The following LRRC4C variants were observed in gnomAD, a reference collection of about 807,000 sequenced individuals.
LRRC4C encodes leucine rich repeat containing 4C, also known as leucine-rich repeat-containing protein 4C.
LRRC4C carries 5 observed loss-of-function variants against 33.6 expected under a neutral mutation model. That is an observed-to-expected ratio of 0.15 (90% confidence interval 0.08 to 0.31). The LOEUF is 0.31. Among genes scored for constraint, LRRC4C ranks in the 10% least tolerant of loss-of-function variants. LRRC4C has a pLI of 1.00. For synonymous variants in LRRC4C, 329 were observed against 302.0 expected (o/e 1.09, Z -0.93); for missense variants, 560 against 796.7 (o/e 0.70, Z 3.58).
At chr11:40,581,931 AAAG>A (rs1490267323) in intron 3 of LRRC4C, among the ~76,000 whole-genome samples, 4 of 152,120 alleles carry the variant, frequency 2.6e-5, no homozygotes, top group African/African-American at 9.7e-5. Context: ...AAAATAAATA[AAAG>A]AATAAAACTA....
intron 1 of LRRC4C, among the ~76,000 whole-genome samples, chr11:41,368,175 G>T (rs1259628034): frequency 2.6e-5 from 4 of 152,046 alleles, no homozygotes; most frequent in Non-Finnish European, 4.4e-5. Context: ...CGTTTCCTTT[G>T]TTTCAGACAA....
rs369808153 is a variant in LRRC4C at position 41,062,592 on chromosome 11, G to A, written c.-495-128869C>T. On this transcript the variant is annotated intron_variant, in intron 1 of 6. Coordinates refer to ENST00000528697, the MANE Select transcript of LRRC4C (RefSeq NM_001258419.2). ...TAGCATGGGGATGCAAGAATGAGCAGAAATGCACGGTCCCTATTCTCAATG... is the reference window on the plus strand; with the variant it reads ...TAGCATGGGGATGCAAGAATGAGCAAAAATGCACGGTCCCTATTCTCAATG... Among the ~76,000 whole-genome samples the A allele has an allele frequency of 4.6e-5, 7 of 152,266 alleles. No homozygotes were observed. In the East Asian group the frequency reaches 1.4e-3, roughly 29 times the overall value.
intron 3 of LRRC4C, among the ~76,000 whole-genome samples, chr11:40,409,995 T>G (rs929422246): frequency 1.3e-5 from 2 of 152,042 alleles, no homozygotes; most frequent in Non-Finnish European, 2.9e-5. Flanking sequence ...AATAAATAAA[T>G]CAATTAGAAA....
At chr11:40,780,109 A>AATATT (rs1950159140) in intron 2 of LRRC4C, among the ~76,000 whole-genome samples, 1 of 152,176 alleles carries the variant, frequency 6.6e-6, no homozygotes, top group Non-Finnish European at 1.5e-5. Context: ...CTGACACTGA[A>AATATT]AAATACTAAA....
At chr11:40,835,902 A>G (rs1216472634) in intron 2 of LRRC4C, among the ~76,000 whole-genome samples, 1 of 152,150 alleles carries the variant, frequency 6.6e-6, no homozygotes, top group Admixed American at 6.6e-5. Context: ...ATTACATTGT[A>G]TCTTGTTAGT....
chr11:40,864,902 G>T (rs1293876203), intron 2 of LRRC4C, among the ~76,000 whole-genome samples: 1 of 152,140 alleles, frequency 6.6e-6, no homozygotes, highest in South Asian at 2.1e-4. Context: ...GTGGACAGGT[G>T]ATATAAAACT....
At chr11:40,535,825 C>CT (rs1163043249) in intron 3 of LRRC4C, among the ~76,000 whole-genome samples, 6 of 152,104 alleles carry the variant, frequency 3.9e-5, no homozygotes, top group Non-Finnish European at 8.8e-5. Flanking sequence ...TGCTTGAAAA[C>CT]TTTTGTACAT....
chr11:40,513,020 C>G (rs889032058), intron 3 of LRRC4C, among the ~76,000 whole-genome samples: 1 of 151,936 alleles, frequency 6.6e-6, no homozygotes, highest in Admixed American at 6.6e-5. Context: ...GAGGCCGAGG[C>G]GGGCAGATCA....
intron 1 of LRRC4C, among the ~76,000 whole-genome samples, chr11:40,945,089 G>A (rs562412912): frequency 5.6e-4 from 83 of 147,978 alleles, no homozygotes; most frequent in Non-Finnish European, 1.1e-3. Context: ...GCGCAGTGGC[G>A]CGATCTCGGC....
intron 4 of LRRC4C, among the ~76,000 whole-genome samples, chr11:40,319,142 A>C (rs1416815722): frequency 6.6e-6 from 1 of 152,204 alleles, no homozygotes; most frequent in Non-Finnish European, 1.5e-5. Flanking sequence ...CATATGAAGG[A>C]AACTCCATTA....
chr11:40,226,174 T>C (rs1864779562), intron 5 of LRRC4C, among the ~76,000 whole-genome samples: 1 of 152,120 alleles, frequency 6.6e-6, no homozygotes, highest in Non-Finnish European at 1.5e-5. Context: ...CCAAAGTGGG[T>C]GTTTAATCTC....
chr11:40,131,580 T>C (rs1037440229), intron 6 of LRRC4C, among the ~76,000 whole-genome samples: 1 of 152,182 alleles, frequency 6.6e-6, no homozygotes, highest in Admixed American at 6.5e-5. Flanking sequence ...TAATAGTACA[T>C]AGAGACTTAA....
chr11:41,086,833 T>C (rs1019157484), intron 1 of LRRC4C, among the ~76,000 whole-genome samples: 80 of 152,122 alleles, frequency 5.3e-4, no homozygotes, highest in African/African-American at 1.9e-3. Context: ...CTGCTGTCGA[T>C]GTATGGAATA....
chr11:40,466,801 A>G (rs1952674333), intron 3 of LRRC4C, among the ~76,000 whole-genome samples: 1 of 152,056 alleles, frequency 6.6e-6, no homozygotes, highest in African/African-American at 2.4e-5. Context: ...AAGAAAATCT[A>G]AGTAATTTTT....
intron 3 of LRRC4C, among the ~76,000 whole-genome samples, chr11:40,538,417 A>G (rs1956565878): frequency 6.6e-6 from 1 of 152,132 alleles, no homozygotes; most frequent in Non-Finnish European, 1.5e-5. Context: ...TTTGCTGAGA[A>G]TGATGGTTTC....
At position 41,296,946 on chromosome 11, in the gene LRRC4C, A is replaced by G. The variant is rs563078515; in HGVS notation, c.-496+162485T>C. On this transcript the variant is annotated intron_variant, in intron 1 of 6. Coordinates refer to ENST00000528697, the MANE Select transcript of LRRC4C (RefSeq NM_001258419.2). ...GCATACAAGCAGTGAGAAAGTCCACACTTTTCTTTTACCGGATCTTAATGG... is the reference window on the plus strand; with the variant it reads ...GCATACAAGCAGTGAGAAAGTCCACGCTTTTCTTTTACCGGATCTTAATGG... Among the ~76,000 whole-genome samples, 8 of 152,288 alleles carry G rather than the reference A, an allele frequency of 5.3e-5. No homozygotes were observed. The East Asian group carries it at 9.6e-4, about 18-fold the overall frequency.
chr11:41,059,679 C>T (rs555290105), intron 1 of LRRC4C, among the ~76,000 whole-genome samples: 4 of 152,022 alleles, frequency 2.6e-5, no homozygotes, highest in South Asian at 2.1e-4. Flanking sequence ...GTCCTATCTC[C>T]GAAAAATTTG....
chr11:41,028,604 C>CAG (rs903062399), intron 1 of LRRC4C, among the ~76,000 whole-genome samples: 2 of 134,848 alleles, frequency 1.5e-5, no homozygotes, highest in African/African-American at 5.4e-5. Flanking sequence ...CACACACACA[C>CAG]ACTGAAATGG....
At chr11:41,329,767 T>C (rs1370998299) in intron 1 of LRRC4C, among the ~76,000 whole-genome samples, 1 of 152,180 alleles carries the variant, frequency 6.6e-6, no homozygotes, top group Non-Finnish European at 1.5e-5. Context: ...AGCTTTTTTG[T>C]TGTCATAGTG....
Sources: gnomAD v4.1 joint callset for allele counts (sites outside exome capture counted in the v4.1 genomes callset) on GRCh38, gnomAD v4.1.1 for gene constraint, MANE v1.5 for transcripts, NCBI Gene and HGNC (gene_info 2026-07-23, HGNC 2026-07-21) for gene names.